EVA1A: variants seen among roughly 807,000 people sequenced by gnomAD.
The protein encoded by EVA1A is protein eva-1 homolog A.
Under a neutral mutation model 9.8 loss-of-function variants are expected in EVA1A, and 7 were observed. That is an observed-to-expected ratio of 0.71 (90% CI 0.41 to 1.34). EVA1A has a LOEUF of 1.34. Among genes scored for constraint, EVA1A ranks in the 40% most tolerant of loss-of-function variants. The pLI is 0.01. For synonymous variants in EVA1A, 90 were observed against 85.6 expected (o/e 1.05, Z -0.28); for missense variants, 206 against 205.9 (o/e 1.00, Z 0.00).
At chr2:75,508,854 G>A (rs1674712277) in intron 3 of EVA1A, among the ~76,000 whole-genome samples, 1 of 152,076 alleles carries the variant, frequency 6.6e-6, no homozygotes, top group African/African-American at 2.4e-5. Context: ...GACGCTTAGG[G>A]AAAATAGAAA....
At chr2:75,497,950 T>G (rs1674273186) in intron 3 of EVA1A, among the ~76,000 whole-genome samples, 1 of 151,886 alleles carries the variant, frequency 6.6e-6, no homozygotes, top group African/African-American at 2.4e-5. Context: ...GAACTATGAT[T>G]TGACCCAGCA....
intron 3 of EVA1A, among the ~76,000 whole-genome samples, chr2:75,514,123 A>AAGG (rs1674920149): frequency 6.6e-6 from 1 of 152,222 alleles, no homozygotes; most frequent in Non-Finnish European, 1.5e-5. Context: ...CCATTATGAT[A>AAGG]AGGCAGGCGA....
upstream of EVA1A, among the ~76,000 whole-genome samples, chr2:75,561,618 A>T (rs1676925066): frequency 6.6e-6 from 1 of 152,140 alleles, no homozygotes; most frequent in African/African-American, 2.4e-5. Context: ...ATAGGGGAAG[A>T]GTGCAGGGAG....
chr2:75,551,375 G>T (rs1203771380), intron 1 of EVA1A, among the ~76,000 whole-genome samples: 2 of 152,134 alleles, frequency 1.3e-5, no homozygotes, highest in Non-Finnish European at 2.9e-5. Flanking sequence ...AATAGCTTTG[G>T]AATTTCCAAA....
chr2:75,511,769 G>A (rs900320609), intron 3 of EVA1A, among the ~76,000 whole-genome samples: 3 of 152,122 alleles, frequency 2.0e-5, no homozygotes, highest in African/African-American at 7.2e-5. Context: ...CATCTGATGG[G>A]TGCCAGGCAC....
At chr2:75,546,022 G>A (rs1676317222) in intron 1 of EVA1A, among the ~76,000 whole-genome samples, 1 of 152,190 alleles carries the variant, frequency 6.6e-6, no homozygotes, top group African/African-American at 2.4e-5. Context: ...AGCTGGGGAA[G>A]AGCAAGTGGA....
At chr2:75,563,931 A>G (rs1676972854), upstream of EVA1A, among the ~76,000 whole-genome samples, 1 of 152,262 alleles carries the variant, frequency 6.6e-6, no homozygotes, top group Non-Finnish European at 1.5e-5. Context: ...GAAACTGAAC[A>G]CTGGGGTGAT....
upstream of EVA1A, among the ~76,000 whole-genome samples, chr2:75,565,626 T>C (rs886226402): frequency 1.1e-4 from 16 of 152,228 alleles, no homozygotes; most frequent in Admixed American, 2.0e-4. Flanking sequence ...TCTTCCACTA[T>C]GGCACTGCTA....
At chr2:75,503,115 A>C (rs2103793382) in intron 3 of EVA1A, among the ~76,000 whole-genome samples, 1 of 152,322 alleles carries the variant, frequency 6.6e-6, no homozygotes, top group African/African-American at 2.4e-5. Flanking sequence ...AGTAAGAGCA[A>C]CCAGACTGGG....
intron 1 of EVA1A, among the ~76,000 whole-genome samples, chr2:75,546,917 A>AAC (rs1371783998): frequency 1.3e-5 from 2 of 151,416 alleles, no homozygotes; most frequent in Non-Finnish European, 2.9e-5. Context: ...CAAAAAAAAA[A>AAC]AAAAAAAAAA....
At chr2:75,522,336 G>C (rs902614443) in intron 2 of EVA1A, 29 bp downstream of exon 2, 6 of 152,104 alleles carry the variant, frequency 3.9e-5, no homozygotes, top group African/African-American at 1.2e-4. Context: ...GTGTTCAGGG[G>C]GTAATAATCT....
chr2:75,547,284 A>T (rs1676370555), intron 1 of EVA1A, among the ~76,000 whole-genome samples: 1 of 152,182 alleles, frequency 6.6e-6, no homozygotes. Context: ...CCACCGGGTG[A>T]GGAGAAAAGA....
intron 3 of EVA1A, among the ~76,000 whole-genome samples, chr2:75,514,752 A>G (rs1674944426): frequency 6.6e-6 from 1 of 152,184 alleles, no homozygotes; most frequent in African/African-American, 2.4e-5. Context: ...ATTATAAATA[A>G]TTCTGAGATC....
intron 1 of EVA1A, among the ~76,000 whole-genome samples, chr2:75,560,046 T>C (rs1676868232): frequency 1.3e-5 from 2 of 152,116 alleles, no homozygotes; most frequent in African/African-American, 4.8e-5. Flanking sequence ...TACCCCTCAA[T>C]AGTAGGGGTG....
chr2:75,524,459 C>A (rs1051616481), intron 1 of EVA1A, among the ~76,000 whole-genome samples: 23 of 151,960 alleles, frequency 1.5e-4, no homozygotes, highest in African/African-American at 5.6e-4. Flanking sequence ...TCTCCTCAAC[C>A]TCACGCCTAA....
At position 75,492,851 on chromosome 2, in the gene EVA1A, T is replaced by C. The variant is rs189530131; in HGVS notation, c.*385A>G. 23 of 187,614 alleles carry C rather than the reference T, an allele frequency of 1.2e-4. No homozygotes were observed. The highest frequency in any genetic ancestry group is 1.1e-3 in the Admixed American group (19 of 17,714). The allele number at this position is 187,614 out of a possible 1,614,324, so 11.6% of individuals were successfully genotyped here. A position where few individuals can be genotyped will look rare whatever the true frequency, so the allele number is the denominator to read the frequency against. On this transcript the variant is annotated 3_prime_UTR_variant, in exon 4 of 4. Transcript: ENST00000393913. ...TGCATTTATTGGGTTAAGTTCACCC[T>C]GCTATTCCCAGCCCTCATGCTATAA...
intron 2 of EVA1A, among the ~76,000 whole-genome samples, chr2:75,522,134 A>C (rs1286184167): frequency 6.6e-6 from 1 of 152,224 alleles, no homozygotes; most frequent in Non-Finnish European, 1.5e-5. Context: ...ATAGATGAAA[A>C]AATGTATTTG....
chr2:75,535,595 T>C (rs1038323343), intron 1 of EVA1A, among the ~76,000 whole-genome samples: 1 of 152,226 alleles, frequency 6.6e-6, no homozygotes, highest in Non-Finnish European at 1.5e-5. Context: ...CATTCATCAG[T>C]TGAATGCCAT....
chr2:75,535,668 T>C (rs1675857054), intron 1 of EVA1A, among the ~76,000 whole-genome samples: 1 of 152,170 alleles, frequency 6.6e-6, no homozygotes, highest in Admixed American at 6.5e-5. Context: ...TTATCCTAAG[T>C]GAAATAACTC....
Sources: gnomAD v4.1 joint callset for allele counts (sites outside exome capture counted in the v4.1 genomes callset) on GRCh38, gnomAD v4.1.1 for gene constraint, MANE v1.5 for transcripts, NCBI Gene and HGNC (gene_info 2026-07-23, HGNC 2026-07-21) for gene names.